Variants in PLXNA4 observed in about 807,000 individuals in gnomAD.
PLXNA4 encodes plexin-A4.
Under a neutral mutation model 191.8 loss-of-function variants are expected in PLXNA4, and 44 were observed. The observed-to-expected ratio is 0.23, with a 90% CI of 0.18 to 0.29. The LOEUF (loss-of-function observed/expected upper bound fraction) is 0.29, where lower values mean the gene tolerates loss of function less well. Ranked by LOEUF, PLXNA4 falls within the 10% of genes least tolerant of loss-of-function variation. The pLI is 1.00. For missense variants in PLXNA4, 1,800 were observed against 2,488.8 expected, an observed-to-expected ratio of 0.72 and a Z score of 5.89; for synonymous variants, 1,082 against 1,009.5, an observed-to-expected ratio of 1.07 and a Z score of -1.36.
chr7:132,233,802 G>C (rs2117006835), intron 5 of PLXNA4, among the ~76,000 whole-genome samples: 1 of 152,322 alleles, frequency 6.6e-6, no homozygotes, highest in Non-Finnish European at 1.5e-5. Context: ...GTTCTGCCCT[G>C]GGTCCCTGAC....
chr7:132,198,394 C>CT lies in PLXNA4; in HGVS notation c.2738+90dup, dbSNP rs1425685029. On this transcript the variant is annotated intron_variant, in intron 13 of 31. Transcript: ENST00000321063. Reference sequence around the variant, plus strand: ...TCTCCTTTTTCCCCCACAACAAGCTCTGAGAGCACCTAGTTGCTGACCAGG... The same window carrying CT: ...TCTCCTTTTTCCCCCACAACAAGCTCTTGAGAGCACCTAGTTGCTGACCAGG... The CT allele has an allele frequency of 3.7e-5, 55 of 1,503,500 alleles. No homozygotes were observed. In the African/African-American group the frequency reaches 7.1e-4, roughly 19 times the overall value. The allele number at this position is 1,503,500 out of a possible 1,614,324, so 93.1% of individuals were successfully genotyped here.
chr7:132,597,128 T>G (rs1802725587), intron 2 of PLXNA4, among the ~76,000 whole-genome samples: 1 of 152,194 alleles, frequency 6.6e-6, no homozygotes, highest in South Asian at 2.1e-4. Flanking sequence ...TTGCTCAGGA[T>G]CAAGGTGCCT....
At chr7:132,153,341 G>A (rs1795699624) in intron 25 of PLXNA4, among the ~76,000 whole-genome samples, 1 of 152,108 alleles carries the variant, frequency 6.6e-6, no homozygotes, top group Admixed American at 6.5e-5. Context: ...AAGGTGTCTG[G>A]AGCTGAGCTG....
intron 2 of PLXNA4, among the ~76,000 whole-genome samples, chr7:132,637,161 T>G (rs1803626023): frequency 6.6e-6 from 1 of 152,190 alleles, no homozygotes; most frequent in South Asian, 2.1e-4. Context: ...TCTTTTTCTG[T>G]CTATCCCCTC....
At chr7:132,503,441 G>C (rs11768960) in intron 2 of PLXNA4, among the ~76,000 whole-genome samples, 1 of 152,186 alleles carries the variant, frequency 6.6e-6, no homozygotes, top group Non-Finnish European at 1.5e-5. Flanking sequence ...TGGGATGCCA[G>C]GTGCTTGGTC....
intron 3 of PLXNA4, 36 bp from the exon 4 acceptor site, chr7:132,298,258 G>A: frequency 6.3e-7 from 1 of 1,587,956 alleles, no homozygotes; most frequent in South Asian, 1.2e-5. Flanking sequence ...AGTGAGTTCA[G>A]ATCCTGCACT....
chr7:132,453,917 A>G (rs1012029735), intron 3 of PLXNA4, among the ~76,000 whole-genome samples: 2 of 152,224 alleles, frequency 1.3e-5, no homozygotes, highest in African/African-American at 2.4e-5. Flanking sequence ...ATTTCTCTCC[A>G]GAGATGTAGT....
At chr7:132,549,569 A>G (rs1800464652) in intron 1 of PLXNA4, among the ~76,000 whole-genome samples, 2 of 151,954 alleles carry the variant, frequency 1.3e-5, no homozygotes, top group African/African-American at 2.4e-5. Context: ...TGCAGGAAAA[A>G]CCTTAAAAGT....
At chr7:132,304,140 G>T (rs764307251) in intron 3 of PLXNA4, among the ~76,000 whole-genome samples, 4 of 152,054 alleles carry the variant, frequency 2.6e-5, no homozygotes, top group East Asian at 1.9e-4. Flanking sequence ...TCATAAAGAC[G>T]TAACATACTG....
At chr7:132,504,655 C>T (rs1383350544) in intron 2 of PLXNA4, among the ~76,000 whole-genome samples, 3 of 152,220 alleles carry the variant, frequency 2.0e-5, no homozygotes, top group Non-Finnish European at 4.4e-5. Flanking sequence ...CCTCCTGGGC[C>T]TTGCCCTGCC....
chr7:132,465,332 C>T (rs970166026), intron 3 of PLXNA4, among the ~76,000 whole-genome samples: 1 of 152,226 alleles, frequency 6.6e-6, no homozygotes, highest in African/African-American at 2.4e-5. Context: ...CACCAACATA[C>T]ACCCTCAACC....
chr7:132,647,797 C>A (rs1803907803), intron 1 of PLXNA4, among the ~76,000 whole-genome samples: 1 of 151,846 alleles, frequency 6.6e-6, no homozygotes, highest in Admixed American at 6.6e-5. Flanking sequence ...CATATACACA[C>A]ACAGTCACAC....
At chr7:132,599,700 T>C (rs891531850) in intron 2 of PLXNA4, among the ~76,000 whole-genome samples, 7 of 152,120 alleles carry the variant, frequency 4.6e-5, no homozygotes, top group Admixed American at 1.3e-4. Context: ...TTTTTCTTTT[T>C]TTATAGTCAA....
At chr7:132,165,896 G>A (rs977642812) in intron 22 of PLXNA4, among the ~76,000 whole-genome samples, 4 of 152,100 alleles carry the variant, frequency 2.6e-5, no homozygotes, top group Admixed American at 6.5e-5. Context: ...AGCCCAAGCC[G>A]TGTTAAAACT....
intron 5 of PLXNA4, among the ~76,000 whole-genome samples, chr7:132,236,805 T>C (rs1054228601): frequency 1.3e-5 from 2 of 152,136 alleles, no homozygotes; most frequent in Non-Finnish European, 2.9e-5. Flanking sequence ...AGAGCAAGCA[T>C]CCATAGGCTC....
chr7:132,240,918 C>T (rs1798855655), intron 5 of PLXNA4, 148 bp downstream of exon 5: 1 of 554,698 alleles, frequency 1.8e-6, no homozygotes, highest in Non-Finnish European at 3.1e-6. Flanking sequence ...AGGGAGATAA[C>T]ATTTGGAAAG....
At chr7:132,251,051 C>CCCT (rs1554400205) in intron 4 of PLXNA4, among the ~76,000 whole-genome samples, 1 of 130,070 alleles carries the variant, frequency 7.7e-6, no homozygotes, top group Non-Finnish European at 1.6e-5. Flanking sequence ...CTGTTCCAGC[C>CCCT]TTTTTTTTTT....
chr7:132,174,980 T>C (rs941255388), intron 20 of PLXNA4, 60 bp from the exon 21 acceptor site: 11 of 1,601,572 alleles, frequency 6.9e-6, no homozygotes, highest in Admixed American at 5.0e-5. Context: ...GTCACCTCCA[T>C]CTCAGAATGC....
chr7:132,235,611 T>G (rs1562983697), intron 5 of PLXNA4, among the ~76,000 whole-genome samples: 1 of 152,188 alleles, frequency 6.6e-6, no homozygotes, highest in Non-Finnish European at 1.5e-5. Context: ...CCCTGTGATG[T>G]CTTGGGTTAC....
Sources: gnomAD v4.1 joint callset for allele counts (sites outside exome capture counted in the v4.1 genomes callset) on GRCh38, gnomAD v4.1.1 for gene constraint, MANE v1.5 for transcripts, NCBI Gene and HGNC (gene_info 2026-07-23, HGNC 2026-07-21) for gene names.